PCM1: variants seen among roughly 807,000 people sequenced by gnomAD.
PCM1 encodes pericentriolar material 1 protein.
In PCM1, 157 loss-of-function variants were observed where a neutral mutation model predicts 241.9. That is an observed-to-expected ratio of 0.65 (90% CI 0.57 to 0.74). PCM1 has a LOEUF of 0.74. Among genes scored for constraint, PCM1 ranks in the 30% least tolerant of loss-of-function variants. PCM1 has a pLI of 0.00. For synonymous variants in PCM1, 1,085 were observed against 784.9 expected (o/e 1.38, Z -6.39); for missense variants, 3,478 against 2,360.1 (o/e 1.47, Z -9.81).
intron 36 of PCM1, among the ~76,000 whole-genome samples, chr8:18,024,638 G>A (rs6992017): frequency 0.064 from 9,669 of 152,126 alleles, 1,073 homozygotes; most frequent in African/African-American, 0.22. Flanking sequence ...TTTAGTCAGG[G>A]ATCCTACTGA....
chr8:17,933,601 A>C (rs1032892004), intron 2 of PCM1, among the ~76,000 whole-genome samples: 4 of 152,122 alleles, frequency 2.6e-5, no homozygotes, highest in African/African-American at 7.2e-5. Context: ...TGTTTTATAG[A>C]GTTTAATAGT....
chr8:17,981,566 T>G (rs990908376), intron 24 of PCM1, among the ~76,000 whole-genome samples: 1 of 152,174 alleles, frequency 6.6e-6, no homozygotes, highest in East Asian at 1.9e-4. Context: ...GACATTAGAC[T>G]ATAGTGGATA....
rs541346751 is a variant in PCM1 at position 17,939,887 on chromosome 8, A to G, written c.783+26A>G. Reference sequence around the variant, plus strand: ...GTAAGTATTCGACTTTTAAAATAACATATTATTTTTGTAGTATCTCAGTGT... The same window carrying G: ...GTAAGTATTCGACTTTTAAAATAACGTATTATTTTTGTAGTATCTCAGTGT... On this transcript the variant is annotated intron_variant, in intron 6 of 38. Transcript: ENST00000325083. 3.9e-5 allele frequency: 53 copies of G among 1,348,754 alleles called. No homozygotes were observed. The South Asian group carries it at 4.9e-4, about 12-fold the overall frequency. 83.5% of individuals were successfully genotyped at this position (1,348,754 alleles called of 1,614,324 possible). A position where few individuals can be genotyped will look rare whatever the true frequency, so the allele number is the denominator to read the frequency against.
At chr8:17,928,269 T>C (rs775614058) in intron 2 of PCM1, among the ~76,000 whole-genome samples, 1 of 152,204 alleles carries the variant, frequency 6.6e-6, no homozygotes, top group Non-Finnish European at 1.5e-5. Context: ...GTTATATGAG[T>C]GAATAGTCTC....
intron 35 of PCM1, among the ~76,000 whole-genome samples, 166 bp downstream of exon 35, chr8:18,014,202 A>G (rs1412856776): frequency 6.6e-6 from 1 of 152,130 alleles, no homozygotes; most frequent in Non-Finnish European, 1.5e-5. Flanking sequence ...TGTAGAAAAC[A>G]TAAGAATTTG....
At chr8:17,947,015 C>T (rs13276297) in intron 6 of PCM1, among the ~76,000 whole-genome samples, 171 bp from the exon 7 acceptor site, 4,308 of 152,108 alleles carry the variant, frequency 0.028, 96 homozygotes, top group East Asian at 0.079. Context: ...ATATATATAT[C>T]TCTGTGTCAT....
chr8:18,017,645 G>A (rs2093352051), intron 36 of PCM1, among the ~76,000 whole-genome samples: 1 of 152,132 alleles, frequency 6.6e-6, no homozygotes, highest in Non-Finnish European at 1.5e-5. Context: ...CCTGAGGTCG[G>A]GAGTTCAAGA....
chr8:17,948,507 A>G lies in PCM1; in HGVS notation c.961+1144A>G, dbSNP rs184186081. Among the ~76,000 whole-genome samples the G allele has an allele frequency of 3.3e-5, 5 of 151,702 alleles. No homozygotes were observed. The East Asian group carries it at 5.8e-4, about 18-fold the overall frequency. On this transcript the variant is annotated intron_variant, in intron 7 of 38. Coordinates refer to ENST00000325083, the MANE Select transcript of PCM1 (RefSeq NM_006197.4). Reference sequence around the variant, plus strand: ...TTTAGTAGAGTCGGGGTTTCACCATATTGGTCAGGCTGGTCTTGAACTCCT... The same window carrying G: ...TTTAGTAGAGTCGGGGTTTCACCATGTTGGTCAGGCTGGTCTTGAACTCCT...
chr8:17,932,050 T>C (rs1406592286), intron 2 of PCM1, among the ~76,000 whole-genome samples: 6 of 152,078 alleles, frequency 3.9e-5, no homozygotes, highest in Non-Finnish European at 1.5e-5. Context: ...TCATACTGCT[T>C]TTTTACTTTT....
chr8:18,021,194 A>T (rs1039374745), intron 36 of PCM1, among the ~76,000 whole-genome samples: 3 of 152,202 alleles, frequency 2.0e-5, no homozygotes, highest in Non-Finnish European at 2.9e-5. Flanking sequence ...AGGCCCAGAC[A>T]GCCAGCTGGT....
intron 21 of PCM1, among the ~76,000 whole-genome samples, chr8:17,968,770 ATAT>A (rs2075879407): frequency 7.7e-6 from 1 of 130,374 alleles, no homozygotes; most frequent in East Asian, 2.1e-4. Flanking sequence ...GTGTATATAT[ATAT>A]ATATACACAC....
At chr8:18,012,526 C>A (rs1339659707) in intron 34 of PCM1, among the ~76,000 whole-genome samples, 1 of 152,118 alleles carries the variant, frequency 6.6e-6, no homozygotes, top group Non-Finnish European at 1.5e-5. Context: ...TTGGAACATA[C>A]ACTCTATGGA....
At position 17,935,607 on chromosome 8, in the gene PCM1, C is replaced by T; in HGVS notation, c.-4C>T. ...TTCGCAGAGAGTTAATTGTTAAATC[C>T]AGTATGGCCACAGGAGGAGGTCCCT... On this transcript the variant is annotated 5_prime_UTR_variant, in exon 3 of 39. Coordinates refer to ENST00000325083, the MANE Select transcript of PCM1 (RefSeq NM_006197.4). 7.3e-7 allele frequency: 1 copy of T among 1,367,642 alleles called. No individual in the cohort carries two copies. Among genetic ancestry groups the T allele is most frequent in the Middle Eastern group, 1.8e-4 (1 of 5,624 alleles). The allele number at this position is 1,367,642 out of a possible 1,614,324, so 84.7% of individuals were successfully genotyped here. A position where few individuals can be genotyped will look rare whatever the true frequency, so the allele number is the denominator to read the frequency against.
rs376166392 is a variant in PCM1, at chr8:17,938,732, A to C, written c.343-8A>C. 4 of 1,601,422 alleles carry C rather than the reference A, an allele frequency of 2.5e-6. No homozygotes were observed. The highest frequency in any genetic ancestry group is 3.4e-6 in the Non-Finnish European group (4 of 1,169,792). ...GTTTGTGTGATTTGATTTCTTTTTCATATATAGAGAAGCATTGGAAGTGAT... is the reference window on the plus strand; with the variant it reads ...GTTTGTGTGATTTGATTTCTTTTTCCTATATAGAGAAGCATTGGAAGTGAT... On this transcript the variant is annotated splice_polypyrimidine_tract_variant and splice_region_variant and intron_variant, in intron 4 of 38. Transcript: ENST00000325083.
intron 29 of PCM1, among the ~76,000 whole-genome samples, chr8:18,000,928 T>G (rs12547946): frequency 0.48 from 72,598 of 152,122 alleles, 19,300 homozygotes; most frequent in Non-Finnish European, 0.62. Flanking sequence ...TTTTGTACTT[T>G]AAAATTGAAC....
At chr8:17,927,877 A>C (rs1201818337) in intron 2 of PCM1, 2 of 151,728 alleles carry the variant, frequency 1.3e-5, no homozygotes, top group Admixed American at 6.6e-5. Flanking sequence ...AAAAAAAAAA[A>C]AAAAAAGTCA....
chr8:17,991,390 T>G (rs1285123938), intron 27 of PCM1, among the ~76,000 whole-genome samples, 152 bp from the exon 28 acceptor site: 1 of 152,194 alleles, frequency 6.6e-6, no homozygotes, highest in African/African-American at 2.4e-5. Context: ...TGTGACAATG[T>G]ATATGAAGTG....
At chr8:17,998,711 G>C (rs2087946618) in intron 29 of PCM1, among the ~76,000 whole-genome samples, 1 of 152,136 alleles carries the variant, frequency 6.6e-6, no homozygotes, top group Admixed American at 6.5e-5. Flanking sequence ...AGGCCCTAGG[G>C]TTCCTACTAT....
chr8:17,946,442 T>C (rs1461460456), intron 6 of PCM1, among the ~76,000 whole-genome samples: 2 of 152,178 alleles, frequency 1.3e-5, no homozygotes, highest in Non-Finnish European at 2.9e-5. Flanking sequence ...TAGGTGTGCC[T>C]ACTTTCTAGG....
Sources: gnomAD v4.1 joint callset for allele counts (sites outside exome capture counted in the v4.1 genomes callset) on GRCh38, gnomAD v4.1.1 for gene constraint, MANE v1.5 for transcripts, NCBI Gene and HGNC (gene_info 2026-07-23, HGNC 2026-07-21) for gene names.